The following RNF125 variants were observed in gnomAD, a reference collection of about 807,000 sequenced individuals.
RNF125 encodes the protein ring finger protein 125, also known as E3 ubiquitin-protein ligase RNF125.
RNF125 carries 21 observed loss-of-function variants against 26.0 expected under a neutral mutation model. The observed-to-expected ratio is 0.81, with a 90% CI of 0.57 to 1.16. The LOEUF is 1.16. Among genes scored for constraint, RNF125 ranks in the 50% most tolerant of loss-of-function variants. RNF125 has a pLI of 0.00. For synonymous variants in RNF125, 95 were observed against 109.2 expected (o/e 0.87, Z 0.81); for missense variants, 270 against 299.4 (o/e 0.90, Z 0.72).
rs544949738 is a variant in RNF125 at position 32,063,097 on chromosome 18, G to A, written c.505-2805G>A. On this transcript the variant is annotated intron_variant, in intron 4 of 5. Transcript: ENST00000217740. ...TAGCTGGGCATGGTGGTGGGCGCCT[G>A]TAATCCCAGCTACTTGGGAGGCTGA... is the stretch of plus-strand genomic sequence containing the variant. Among the ~76,000 whole-genome samples the A allele has an allele frequency of 7.2e-5, 11 of 151,938 alleles. No homozygotes were observed. The South Asian group carries it at 2.1e-3, about 29-fold the overall frequency.
chr18:32,020,002 C>CTCTGTGTG (rs1223003001), intron 1 of RNF125, among the ~76,000 whole-genome samples: 71 of 150,008 alleles, frequency 4.7e-4, no homozygotes, highest in Non-Finnish European at 6.7e-4. Flanking sequence ...TCTCTGTTTA[C>CTCTGTGTG]TGTGTGTGTG....
chr18:32,019,157 G>T, intron 1 of RNF125, 130 bp downstream of exon 1: 1 of 1,096,676 alleles, frequency 9.1e-7, no homozygotes, highest in Non-Finnish European at 1.3e-6. Context: ...GAGAAACCTG[G>T]ACCCGTCGGA....
At chr18:32,053,446 T>C (rs944094616) in intron 4 of RNF125, among the ~76,000 whole-genome samples, 5 of 151,936 alleles carry the variant, frequency 3.3e-5, no homozygotes, top group Non-Finnish European at 7.4e-5. Context: ...TTTTAGGGAT[T>C]CCCTATAACA....
chr18:32,061,453 G>A (rs918052599), intron 4 of RNF125, among the ~76,000 whole-genome samples: 1 of 152,176 alleles, frequency 6.6e-6, no homozygotes, highest in African/African-American at 2.4e-5. Context: ...ACCATGTCAG[G>A]TGCTTGAATA....
intron 4 of RNF125, among the ~76,000 whole-genome samples, chr18:32,059,734 T>C (rs1253562326): frequency 6.6e-6 from 1 of 152,234 alleles, no homozygotes; most frequent in Non-Finnish European, 1.5e-5. Context: ...TTTCTTTTAG[T>C]AGTTTCATAG....
At chr18:32,035,603 C>T (rs1005318885) in intron 1 of RNF125, among the ~76,000 whole-genome samples, 4 of 152,020 alleles carry the variant, frequency 2.6e-5, no homozygotes, top group African/African-American at 9.7e-5. Flanking sequence ...CTATATACAA[C>T]AATATAATGA....
intron 1 of RNF125, among the ~76,000 whole-genome samples, chr18:32,028,353 T>G (rs1486321047): frequency 6.6e-6 from 1 of 151,154 alleles, no homozygotes; most frequent in Non-Finnish European, 1.5e-5. Flanking sequence ...TGATAAGTTT[T>G]TTTGTTAGAC....
chr18:32,061,816 A>G (rs1361815111), intron 4 of RNF125, among the ~76,000 whole-genome samples: 1 of 152,264 alleles, frequency 6.6e-6, no homozygotes, highest in African/African-American at 2.4e-5. Flanking sequence ...AGTGATAATA[A>G]TGGCAGCTAA....
chr18:32,037,139 C>T lies in RNF125; in HGVS notation c.188C>T (p.Thr63Ile). The T allele has an allele frequency of 5.0e-6, 8 of 1,604,422 alleles. No individual in the cohort carries two copies. The highest frequency in any genetic ancestry group is 5.9e-6 in the Non-Finnish European group (7 of 1,176,662). Residue 63 changes from threonine (T) to isoleucine (I), a missense_variant, in exon 2 of 6, where the codon ACC becomes ATC. Physicochemically the swap from Thr to Ile is moderately conservative, Grantham distance 89. Coordinates refer to ENST00000217740, the MANE Select transcript of RNF125 (RefSeq NM_017831.4). The part of the protein sequence containing the change: ...GHVFCRSCIA[T>I]SLKNNKWTCP... The stretch of plus-strand genomic sequence containing the variant: ...AGATTCTGCCGTTCCTGTATTGCTA[C>T]CAGTCTAAAGAACAACAAGTGGACC...
intron 4 of RNF125, among the ~76,000 whole-genome samples, chr18:32,052,433 C>T (rs942529235): frequency 2.0e-5 from 3 of 148,514 alleles, no homozygotes; most frequent in Non-Finnish European, 4.4e-5. Context: ...GTGGAGGTTG[C>T]AGTGAGTCAA....
At chr18:32,030,047 TATTTA>T (rs1175146406) in intron 1 of RNF125, among the ~76,000 whole-genome samples, 1 of 152,292 alleles carries the variant, frequency 6.6e-6, no homozygotes, top group Middle Eastern at 3.4e-3. Context: ...TATTTTTTAT[TATTTA>T]ATTTAATTTT....
At chr18:32,062,250 G>T (rs1012330495) in intron 4 of RNF125, among the ~76,000 whole-genome samples, 1 of 152,214 alleles carries the variant, frequency 6.6e-6, no homozygotes, top group Non-Finnish European at 1.5e-5. Context: ...TCTAAGTGCG[G>T]AACACGTAGT....
At chr18:32,081,053 G>C in the RNF125 span, among the ~76,000 whole-genome samples, 1 of 152,038 alleles carries the variant, frequency 6.6e-6, no homozygotes, top group African/African-American at 2.4e-5. Flanking sequence ...GAGTGTGATG[G>C]CGCAGGTCTG....
At chr18:32,053,188 C>A (rs2039345359) in intron 4 of RNF125, among the ~76,000 whole-genome samples, 2 of 151,076 alleles carry the variant, frequency 1.3e-5, no homozygotes, top group Non-Finnish European at 3.0e-5. Context: ...CATGGAGAAA[C>A]CCCGTTTCTA....
chr18:32,031,255 A>G (rs2039090553), intron 1 of RNF125: 1 of 151,840 alleles, frequency 6.6e-6, no homozygotes, highest in East Asian at 1.9e-4. Flanking sequence ...GCCCTACCCA[A>G]ACTGTTTAAG....
chr18:32,052,321 C>T (rs1046381295), intron 4 of RNF125, among the ~76,000 whole-genome samples: 1 of 151,608 alleles, frequency 6.6e-6, no homozygotes, highest in Non-Finnish European at 1.5e-5. Flanking sequence ...GGTGAAACCC[C>T]ATCTCTACTA....
chr18:32,064,289 C>T (rs2144513660), intron 4 of RNF125, among the ~76,000 whole-genome samples: 1 of 151,412 alleles, frequency 6.6e-6, no homozygotes, highest in South Asian at 2.1e-4. Flanking sequence ...CCAGGGATTA[C>T]ACTTCAACAT....
rs2039504102 is a variant in RNF125 at position 32,068,419 on chromosome 18, T to C, written c.*35T>C. On this transcript the variant is annotated 3_prime_UTR_variant, in exon 6 of 6. Transcript: ENST00000217740. ...AACGAAGGGAAAAGGGACCACTGAATTGCACCATTTAAGATGCTGCTTGAA... is the reference window on the plus strand; with the variant it reads ...AACGAAGGGAAAAGGGACCACTGAACTGCACCATTTAAGATGCTGCTTGAA... 8.3e-7 allele frequency: 1 copy of C among 1,206,226 alleles called. No individual in the cohort carries two copies. The highest frequency in any genetic ancestry group is 1.5e-5 in the African/African-American group (1 of 66,728). 74.7% of individuals were successfully genotyped at this position (1,206,226 alleles called of 1,614,324 possible).
intron 1 of RNF125, among the ~76,000 whole-genome samples, chr18:32,023,710 C>G (rs1018728209): frequency 6.6e-6 from 1 of 152,198 alleles, no homozygotes; most frequent in Non-Finnish European, 1.5e-5. Context: ...AATAGGAATA[C>G]TCAAAACCCA....
Sources: allele counts gnomAD v4.1 joint callset (sites outside exome capture counted in the v4.1 genomes callset), GRCh38; gene constraint gnomAD v4.1.1; transcripts MANE v1.5; gene names NCBI Gene and HGNC (gene_info 2026-07-23, HGNC 2026-07-21).